Variants in DAB1 observed in about 807,000 individuals in gnomAD.
DAB1 encodes the protein DAB adaptor protein 1.
In DAB1, 15 loss-of-function variants were observed where a neutral mutation model predicts 64.6. The ratio of observed to expected loss-of-function variants is 0.23; its 90% confidence interval spans 0.16 to 0.36. The LOEUF (loss-of-function observed/expected upper bound fraction) is 0.36, where lower values mean the gene tolerates loss of function less well. DAB1 is among the 10% of genes least tolerant of loss of function. DAB1 has a pLI of 1.00. For missense variants in DAB1, 596 were observed against 706.7 expected (o/e 0.84, Z 1.78); for synonymous variants, 235 against 251.9 (o/e 0.93, Z 0.64).
At position 57,651,665 on chromosome 1, in the gene DAB1, C is replaced by CAA. The variant is rs142806300; in HGVS notation, n.552-2002_552-2001dup. On this transcript the variant is annotated intron_variant and non_coding_transcript_variant, in intron 6 of 20. Transcript: ENST00000485760. ...TGACGGGTTTATTGTAGAAAACAAA[C>CAA]AAAAAAAAAATGACAGAAAGCCTGG... Among the ~76,000 whole-genome samples the CAA allele has an allele frequency of 5.1e-3, 765 of 149,272 alleles. 8 individuals are homozygous for CAA. The highest frequency in any genetic ancestry group is 0.017 in the African/African-American group (691 of 40,308).
chr1:57,993,140 G>A (rs12074863), intron 5 of DAB1, among the ~76,000 whole-genome samples: 3,008 of 152,144 alleles, frequency 0.02, 67 homozygotes, highest in African/African-American at 0.049. Flanking sequence ...CTTACCCTGA[G>A]CACAACACAT....
chr1:57,049,659 C>G (rs549614407), intron 9 of DAB1, among the ~76,000 whole-genome samples: 6 of 152,052 alleles, frequency 3.9e-5, no homozygotes, highest in Admixed American at 3.9e-4. Flanking sequence ...TTTTCATCTG[C>G]AATGCCTGCC....
At chr1:58,177,573 T>C (rs1570451347) in intron 4 of DAB1, among the ~76,000 whole-genome samples, 1 of 152,156 alleles carries the variant, frequency 6.6e-6, no homozygotes, top group African/African-American at 2.4e-5. Context: ...GGGACTATAA[T>C]ACACAGTGCC....
At chr1:57,918,099 A>AAAT (rs1181497786) in intron 5 of DAB1, among the ~76,000 whole-genome samples, 1 of 150,572 alleles carries the variant, frequency 6.6e-6, no homozygotes, top group African/African-American at 2.4e-5. Context: ...ATAAATAAAT[A>AAAT]AATAAATATA....
In DAB1 at chr1:58,019,135, C is replaced by T. The variant is rs61619861; in HGVS notation, n.387+131376G>A. ...TGATGATCTCTAAGATTACTCCCAG[C>T]TCTAAAATTCTGAAATGCTAAAATG... On this transcript the variant is annotated intron_variant and non_coding_transcript_variant, in intron 5 of 20. Coordinates refer to the DAB1 transcript ENST00000485760. 9.2e-3 allele frequency among the ~76,000 whole-genome samples: 1,397 copies of T among 152,242 alleles called. 22 individuals are homozygous for T. Among genetic ancestry groups the T allele is most frequent in the African/African-American group, 0.032 (1,318 of 41,544 alleles).
At chr1:57,651,750 C>T (rs1314118905) in intron 6 of DAB1, among the ~76,000 whole-genome samples, 1 of 152,150 alleles carries the variant, frequency 6.6e-6, no homozygotes, top group African/African-American at 2.4e-5. Context: ...CTCTTAAACA[C>T]ACATCAATCT....
intron 5 of DAB1, among the ~76,000 whole-genome samples, chr1:57,988,072 AAT>A (rs1156483663): frequency 6.6e-6 from 1 of 152,134 alleles, no homozygotes; most frequent in Non-Finnish European, 1.5e-5. Context: ...TTAGGAACCC[AAT>A]CCCACCCAGA....
chr1:58,264,483 G>T (rs2100420415), intron 4 of DAB1, among the ~76,000 whole-genome samples: 1 of 152,316 alleles, frequency 6.6e-6, no homozygotes, highest in East Asian at 1.9e-4. Flanking sequence ...AGTGTATATG[G>T]CTCATATATA....
chr1:57,882,362 G>T (rs1190578669), intron 1 of DAB1, among the ~76,000 whole-genome samples: 1 of 152,162 alleles, frequency 6.6e-6, no homozygotes, highest in African/African-American at 2.4e-5. Context: ...AGAATGAAAT[G>T]GAATGTACCA....
rs558658118 is a variant in DAB1, at chr1:57,675,580, G to A, written n.552-25915C>T. Among the ~76,000 whole-genome samples the A allele has an allele frequency of 1.1e-3, 170 of 152,270 alleles. No individual in the cohort carries two copies. In the South Asian group the frequency reaches 0.013, roughly 12 times the overall value. ...GTCATATTGTCACTATACGACTGTT[G>A]AGCAGAAGCGAAATGAAGCATTGAT... On this transcript the variant is annotated intron_variant and non_coding_transcript_variant, in intron 6 of 20. Coordinates refer to the DAB1 transcript ENST00000485760.
intron 5 of DAB1, among the ~76,000 whole-genome samples, chr1:57,899,690 A>G (rs1199372744): frequency 6.6e-6 from 1 of 150,456 alleles, no homozygotes; most frequent in East Asian, 1.9e-4. Flanking sequence ...CAAGGAGTGA[A>G]TGGTAGAAAA....
chr1:57,375,716 G>T lies in DAB1; in HGVS notation c.-137+48214C>A, dbSNP rs141509565. ...TGCCATGACCCTGCCCTAACTCTGG[G>T]CACACAGCACAGTAGCCTCATGCAT... On this transcript the variant is annotated intron_variant, in intron 1 of 14. Coordinates refer to ENST00000371236, the MANE Select transcript of DAB1 (RefSeq NM_001365792.1). 4.3e-3 allele frequency among the ~76,000 whole-genome samples: 650 copies of T among 152,220 alleles called. 2 individuals are homozygous for T. Among genetic ancestry groups the T allele is most frequent in the African/African-American group, 0.014 (595 of 41,544 alleles).
At chr1:58,484,108 A>T (rs1231940743) in intron 3 of DAB1, among the ~76,000 whole-genome samples, 1 of 152,170 alleles carries the variant, frequency 6.6e-6, no homozygotes, top group South Asian at 2.1e-4. Flanking sequence ...TAATACAACA[A>T]ATATTTAGAA....
chr1:57,884,283 G>A (rs1644190272), upstream of DAB1: 1 of 152,240 alleles, frequency 6.6e-6, no homozygotes, highest in Admixed American at 6.5e-5. Context: ...TGATTTGAAA[G>A]TGTGCATGGT....
chr1:58,178,242 A>C (rs546710120), intron 4 of DAB1, among the ~76,000 whole-genome samples: 2 of 152,174 alleles, frequency 1.3e-5, no homozygotes, highest in Non-Finnish European at 2.9e-5. Flanking sequence ...CTCCGTTCTG[A>C]AACCAACCCT....
At chr1:58,438,362 G>A (rs190100379) in intron 3 of DAB1, among the ~76,000 whole-genome samples, 27 of 152,290 alleles carry the variant, frequency 1.8e-4, no homozygotes, top group African/African-American at 6.5e-4. Flanking sequence ...CTGCTTCTCT[G>A]GGGAAATGGC....
chr1:57,145,024 C>T (rs1658979108), intron 3 of DAB1, among the ~76,000 whole-genome samples: 2 of 152,060 alleles, frequency 1.3e-5, no homozygotes, highest in East Asian at 1.9e-4. Flanking sequence ...GCAGGAGTTG[C>T]AAAATGAAAA....
chr1:58,324,838 A>G (rs1272023057), intron 4 of DAB1, among the ~76,000 whole-genome samples: 2 of 152,170 alleles, frequency 1.3e-5, no homozygotes, highest in Non-Finnish European at 2.9e-5. Context: ...CCCCCTACCT[A>G]TATATGCACT....
intron 7 of DAB1, among the ~76,000 whole-genome samples, chr1:57,444,184 T>G (rs552428704): frequency 6.6e-6 from 1 of 152,264 alleles, no homozygotes; most frequent in Non-Finnish European, 1.5e-5. Flanking sequence ...CCTACTCTTA[T>G]AAACTCTTGA....
Sources: gnomAD v4.1 joint callset for allele counts (sites outside exome capture counted in the v4.1 genomes callset) on GRCh38, gnomAD v4.1.1 for gene constraint, MANE v1.5 for transcripts, NCBI Gene and HGNC (gene_info 2026-07-23, HGNC 2026-07-21) for gene names.